Variants in ABLIM2 observed in about 807,000 individuals in gnomAD.
ABLIM2 encodes the protein actin-binding LIM protein 2.
Under a neutral mutation model 97.7 loss-of-function variants are expected in ABLIM2, and 53 were observed. That is an observed-to-expected ratio of 0.54 (90% CI 0.44 to 0.68). The LOEUF (loss-of-function observed/expected upper bound fraction) is 0.68, where lower values mean the gene tolerates loss of function less well. Ranked by LOEUF, ABLIM2 falls within the 30% of genes least tolerant of loss-of-function variation. The pLI, the probability that ABLIM2 is intolerant of heterozygous loss-of-function variation, is 0.00. For synonymous variants in ABLIM2, 361 were observed against 345.8 expected, an observed-to-expected ratio of 1.04 and a Z score of -0.49; for missense variants, 835 against 867.2, an observed-to-expected ratio of 0.96 and a Z score of 0.47.
intron 9 of ABLIM2, among the ~76,000 whole-genome samples, chr4:8,038,906 C>G (rs976578867): frequency 5.3e-5 from 8 of 152,200 alleles, no homozygotes; most frequent in African/African-American, 1.9e-4. Flanking sequence ...CTCCCAGTCA[C>G]TCACAGCCTG....
intron 1 of ABLIM2, among the ~76,000 whole-genome samples, chr4:8,131,582 C>T (rs943395747): frequency 2.0e-5 from 3 of 152,144 alleles, no homozygotes; most frequent in Non-Finnish European, 1.5e-5. Flanking sequence ...GACTCTCTCA[C>T]ATGCTCTCAG....
intron 8 of ABLIM2, among the ~76,000 whole-genome samples, chr4:8,053,476 T>A (rs1006859683): frequency 1.3e-5 from 2 of 152,124 alleles, no homozygotes; most frequent in African/African-American, 4.8e-5. Context: ...CTTTCTAAAT[T>A]AACTGAGACC....
At chr4:8,074,120 A>T (rs554547120) in intron 6 of ABLIM2, among the ~76,000 whole-genome samples, 11 of 127,220 alleles carry the variant, frequency 8.6e-5, no homozygotes, top group African/African-American at 3.0e-4. Context: ...AAAAAAAAAG[A>T]CAAGACTCAG....
At position 8,124,331 on chromosome 4, in the gene ABLIM2, TCA is replaced by T. The variant is rs1237901762; in HGVS notation, c.11-17696_11-17695del. Among the ~76,000 whole-genome samples the T allele has an allele frequency of 6.6e-6, 1 of 152,214 alleles. No homozygotes were observed. The highest frequency in any genetic ancestry group is 1.5e-5 in the Non-Finnish European group (1 of 68,038). Reference sequence around the variant, plus strand: ...TGCACACTCAATGGCTTTTGGTATTTCACAGAGCTGCGTGCTGATCACCATAA... The same window carrying T: ...TGCACACTCAATGGCTTTTGGTATTTCAGAGCTGCGTGCTGATCACCATAA... On this transcript the variant is annotated intron_variant, in intron 1 of 20. Coordinates refer to ENST00000447017, the MANE Select transcript of ABLIM2 (RefSeq NM_001130083.2). The surrounding 1 kb of genome is among the most constrained non-coding windows in gnomAD (Gnocchi z 6.1).
chr4:8,109,079 C>T (rs1578044327), intron 1 of ABLIM2, among the ~76,000 whole-genome samples: 1 of 152,244 alleles, frequency 6.6e-6, no homozygotes, highest in East Asian at 1.9e-4. Flanking sequence ...CAGCTCATCC[C>T]GTGGAAGGAA....
At chr4:8,115,905 T>C (rs73218472) in intron 1 of ABLIM2, among the ~76,000 whole-genome samples, 3 of 152,180 alleles carry the variant, frequency 2.0e-5, no homozygotes, top group African/African-American at 4.8e-5. Context: ...CCGGCGGCCA[T>C]GCTGGGACGA....
intron 20 of ABLIM2, among the ~76,000 whole-genome samples, chr4:7,974,526 T>C (rs1731292908): frequency 6.9e-6 from 1 of 144,150 alleles, no homozygotes; most frequent in Non-Finnish European, 1.5e-5. Context: ...TGTCCACCCA[T>C]GCATTAATCC....
chr4:7,966,811 C>T lies in ABLIM2; in HGVS notation c.*179G>A, dbSNP rs1577409062. ...TGAAGCTAGCCGTCTCGGCCCTAAA[C>T]TACCGGCAGGAGTGTCGCCGGCAGG... On this transcript the variant is annotated 3_prime_UTR_variant, in exon 21 of 21. Coordinates refer to ENST00000447017, the MANE Select transcript of ABLIM2 (RefSeq NM_001130083.2). 3.4e-6 allele frequency: 2 copies of T among 581,626 alleles called. No homozygotes were observed. The allele number at this position is 581,626 out of a possible 1,614,324, so 36.0% of individuals were successfully genotyped here. A position where few individuals can be genotyped will look rare whatever the true frequency, so the allele number is the denominator to read the frequency against.
intron 1 of ABLIM2, among the ~76,000 whole-genome samples, chr4:8,119,231 G>A (rs1300233354): frequency 3.3e-5 from 5 of 152,104 alleles, no homozygotes; most frequent in African/African-American, 1.2e-4. Context: ...CTGAGGTGAG[G>A]TGAGTTGGGG....
intron 20 of ABLIM2, among the ~76,000 whole-genome samples, 187 bp from the exon 21 acceptor site, chr4:7,967,290 C>CAGCG (rs1232104186): frequency 6.6e-6 from 1 of 152,168 alleles, no homozygotes; most frequent in Non-Finnish European, 1.5e-5. Flanking sequence ...GCTCAGAGGA[C>CAGCG]AGCGACCCTG....
intron 1 of ABLIM2, among the ~76,000 whole-genome samples, chr4:8,154,173 A>G (rs555919065): frequency 3.9e-4 from 59 of 151,706 alleles, no homozygotes; most frequent in African/African-American, 1.3e-3. Context: ...TGTGTTAGCC[A>G]GGATGGTCTC....
chr4:7,976,950 TAC>T (rs1222070474), intron 20 of ABLIM2, among the ~76,000 whole-genome samples: 2 of 151,900 alleles, frequency 1.3e-5, no homozygotes, highest in African/African-American at 2.4e-5. Flanking sequence ...CATACATACA[TAC>T]ACACAGTCAC....
At chr4:7,967,917 G>A (rs1355942290) in intron 20 of ABLIM2, among the ~76,000 whole-genome samples, 2 of 152,200 alleles carry the variant, frequency 1.3e-5, no homozygotes, top group African/African-American at 2.4e-5. Context: ...CTCAGCCACC[G>A]CAAGCTCTGT....
intron 14 of ABLIM2, among the ~76,000 whole-genome samples, chr4:8,017,021 C>T (rs1300153774): frequency 2.0e-5 from 3 of 152,166 alleles, no homozygotes. Context: ...TTTTTTAGGT[C>T]AACACTCCTA....
At chr4:8,024,141 T>G (rs1775790346) in intron 12 of ABLIM2, among the ~76,000 whole-genome samples, 1 of 152,084 alleles carries the variant, frequency 6.6e-6, no homozygotes, top group African/African-American at 2.4e-5. Flanking sequence ...GACCTGAGGC[T>G]CCATCCCAGG....
intron 3 of ABLIM2, among the ~76,000 whole-genome samples, chr4:8,091,298 TA>T (rs368511855): frequency 0.068 from 3,810 of 56,228 alleles, 621 homozygotes; most frequent in East Asian, 0.18. Context: ...TAATATTATA[TA>T]TTATATTATA....
intron 17 of ABLIM2, among the ~76,000 whole-genome samples, chr4:7,988,156 G>T (rs1473605742): frequency 1.3e-5 from 2 of 152,118 alleles, no homozygotes; most frequent in Non-Finnish European, 2.9e-5. Context: ...CTGAGTAGCT[G>T]GGATTACAGG....
Position 8,097,104 on chromosome 4 carries a change from G to C in ABLIM2, c.333C>G (p.Val111=). ...CCAGGTGCCCACTTACTCACCGGCA[G>C]ACGGCACACACGAAGCAGTCGGGGT... ...TYHPDCFVCA[V]CRLPFPPGDR... Residue 111 remains valine, a synonymous_variant, in exon 3 of 21, where the codon GTC becomes GTG. Coordinates refer to ENST00000447017, the MANE Select transcript of ABLIM2 (RefSeq NM_001130083.2). The C allele has an allele frequency of 6.2e-7, 1 of 1,604,990 alleles. No homozygotes were observed. Among genetic ancestry groups the C allele is most frequent in the Non-Finnish European group, 8.5e-7 (1 of 1,174,688 alleles).
intron 9 of ABLIM2, 27 bp from the exon 10 acceptor site, chr4:8,036,322 G>A: frequency 6.2e-7 from 1 of 1,611,006 alleles, no homozygotes; most frequent in East Asian, 2.2e-5. Context: ...AATTGGGGAG[G>A]GGACAGTCAC....
Sources: gnomAD v4.1 joint callset for allele counts (sites outside exome capture counted in the v4.1 genomes callset) on GRCh38, gnomAD v4.1.1 for gene constraint, Gnocchi (gnomAD v3.1) non-coding constraint, MANE v1.5 for transcripts, NCBI Gene and HGNC (gene_info 2026-07-23, HGNC 2026-07-21) for gene names.